Variants in ZNF560 observed in about 807,000 individuals in gnomAD.
The protein encoded by ZNF560 is zinc finger protein 560.
A neutral mutation model predicts 81.8 loss-of-function variants in ZNF560; 54 were observed. That is an observed-to-expected ratio of 0.66 (90% CI 0.53 to 0.83). The LOEUF is 0.83. Among genes scored for constraint, ZNF560 ranks in the 40% least tolerant of loss-of-function variants. The probability of loss-of-function intolerance (pLI) is 0.00; values close to 1 mark genes in which losing one functional copy is unlikely to be tolerated. For missense variants in ZNF560, 940 were observed against 932.4 expected, an observed-to-expected ratio of 1.01 and a Z score of -0.11; for synonymous variants, 321 against 317.9, an observed-to-expected ratio of 1.01 and a Z score of -0.10.
chr19:9,488,917 G>A (rs748394589), intron 2 of ZNF560, among the ~76,000 whole-genome samples: 1 of 152,062 alleles, frequency 6.6e-6, no homozygotes, highest in Non-Finnish European at 1.5e-5. Flanking sequence ...TCATTTAAAA[G>A]TGTACAGCAC....
chr19:9,501,238 C>T (rs993324434), upstream of ZNF560, among the ~76,000 whole-genome samples: 6 of 144,644 alleles, frequency 4.1e-5, no homozygotes, highest in Admixed American at 7.2e-5. Context: ...TGGCTCAATG[C>T]AGTCTTGACC....
the ZNF560 span, among the ~76,000 whole-genome samples, chr19:9,457,151 C>T: frequency 3.3e-5 from 5 of 152,294 alleles, no homozygotes; most frequent in Non-Finnish European, 7.3e-5. Context: ...AAACTCTCTC[C>T]CCTTGGAATT....
intron 4 of ZNF560, among the ~76,000 whole-genome samples, 174 bp from the exon 5 acceptor site, chr19:9,473,433 C>T (rs908440768): frequency 5.9e-5 from 9 of 152,068 alleles, no homozygotes; most frequent in Admixed American, 5.9e-4. Flanking sequence ...CAAAAATTAG[C>T]TGGGTGTGAT....
chr19:9,472,781 C>T (rs1423124043), intron 5 of ZNF560, among the ~76,000 whole-genome samples: 1 of 152,132 alleles, frequency 6.6e-6, no homozygotes, highest in Non-Finnish European at 1.5e-5. Context: ...ATGTAATGCA[C>T]CTGAATCATC....
chr19:9,485,466 C>T (rs2073370124), intron 2 of ZNF560, among the ~76,000 whole-genome samples: 1 of 149,998 alleles, frequency 6.7e-6, no homozygotes, highest in Non-Finnish European at 1.5e-5. Context: ...GAGATCACAC[C>T]ACTGCACTCC....
At position 9,466,545 on chromosome 19, in the gene ZNF560, C is replaced by T. The variant is rs907970191; in HGVS notation, c.*29G>A. The T allele has an allele frequency of 6.5e-7, 1 of 1,534,712 alleles. No individual in the cohort carries two copies. On this transcript the variant is annotated 3_prime_UTR_variant, in exon 10 of 10. Coordinates refer to ENST00000301480, the MANE Select transcript of ZNF560 (RefSeq NM_152476.3). ...CTTGAGGAAACAGCAAAGGTTTTTC[C>T]ACATTCTTCACATCCACAGGGCTTC...
rs143393867 is a variant in ZNF560, at chr19:9,469,642, T to C, written c.517A>G (p.Arg173Gly). ...CACAAACACTCACCTTGGAGAACTC[T>C]TGGCAGTGTGCTCAACTCTTCCTCT... Reference protein sequence around the residue: ...EEEEELSTLPRVLQEWKMCLK... With the variant: ...EEEEELSTLPGVLQEWKMCLK... Residue 173 changes from arginine to glycine, a missense_variant, in exon 8 of 10, where the codon AGA becomes GGA. Transcript: ENST00000301480. 3.2e-5 allele frequency: 52 copies of C among 1,614,178 alleles called. No homozygotes were observed. In the Middle Eastern group the frequency reaches 1.2e-3, roughly 36 times the overall value.
In ZNF560 at chr19:9,471,282, T is replaced by C; in HGVS notation, c.321+14A>G. 2 of 1,559,514 alleles carry C rather than the reference T, an allele frequency of 1.3e-6. No individual in the cohort carries two copies. The highest frequency in any genetic ancestry group is 1.7e-6 in the Non-Finnish European group (2 of 1,154,446). On this transcript the variant is annotated intron_variant, in intron 6 of 9. Coordinates refer to ENST00000301480, the MANE Select transcript of ZNF560 (RefSeq NM_152476.3). ...TGAGTGTGAAAAATAAGAAATACCC[T>C]TTCTTAACATTACCATTTGTATCCC...
chr19:9,463,718 T>C (rs1009001223), downstream of ZNF560, among the ~76,000 whole-genome samples: 4 of 152,234 alleles, frequency 2.6e-5, no homozygotes, highest in Admixed American at 2.0e-4. Context: ...ACAAGGCCTC[T>C]GTCACCCAGG....
At chr19:9,464,777 C>G (rs966480902), downstream of ZNF560, among the ~76,000 whole-genome samples, 5 of 152,078 alleles carry the variant, frequency 3.3e-5, no homozygotes, top group African/African-American at 1.2e-4. Flanking sequence ...AGGAGAAAGA[C>G]ATACCATGCC....
the ZNF560 span, among the ~76,000 whole-genome samples, chr19:9,445,922 C>CA: frequency 1.3e-5 from 2 of 152,144 alleles, no homozygotes; most frequent in Non-Finnish European, 2.9e-5. Flanking sequence ...TTCCAGCTCT[C>CA]AAAGTCTATG....
chr19:9,471,126 T>C (rs950564477), intron 6 of ZNF560, among the ~76,000 whole-genome samples, 170 bp downstream of exon 6: 1 of 152,160 alleles, frequency 6.6e-6, no homozygotes, highest in African/African-American at 2.4e-5. Flanking sequence ...ACTTTCACAC[T>C]AAGTTTAGAT....
At chr19:9,497,815 C>T (rs1362392861) in intron 2 of ZNF560, among the ~76,000 whole-genome samples, 3 of 152,140 alleles carry the variant, frequency 2.0e-5, no homozygotes, top group African/African-American at 4.8e-5. Flanking sequence ...AACCCTCCAT[C>T]CTTTCTTCCA....
chr19:9,497,307 G>C (rs949070875), intron 2 of ZNF560, among the ~76,000 whole-genome samples: 3 of 151,838 alleles, frequency 2.0e-5, no homozygotes, highest in Non-Finnish European at 4.4e-5. Context: ...ATTGAGTCAG[G>C]CATTACCCAC....
chr19:9,465,215 C>T (rs984901733), downstream of ZNF560, among the ~76,000 whole-genome samples: 1 of 149,668 alleles, frequency 6.7e-6, no homozygotes, highest in Non-Finnish European at 1.5e-5. Flanking sequence ...ACTGTAACCT[C>T]TGCCTCCCTG....
At chr19:9,454,848 GAA>G in the ZNF560 span, among the ~76,000 whole-genome samples, 4 of 139,390 alleles carry the variant, frequency 2.9e-5, no homozygotes, top group African/African-American at 1.4e-4. Context: ...AGGAGACAAA[GAA>G]GAGAGGGAGT....
At chr19:9,469,047 A>G in intron 9 of ZNF560, 58 bp downstream of exon 9, 1 of 1,353,652 alleles carries the variant, frequency 7.4e-7, no homozygotes, top group Non-Finnish European at 1.0e-6. Flanking sequence ...GATTTCTATA[A>G]TGCAATACCA....
At chr19:9,492,162 G>C (rs748453509) in intron 2 of ZNF560, among the ~76,000 whole-genome samples, 3 of 151,810 alleles carry the variant, frequency 2.0e-5, no homozygotes, top group Non-Finnish European at 4.4e-5. Flanking sequence ...GGTGGTTTTC[G>C]TAGGGGGGTT....
At chr19:9,449,308 C>T in the ZNF560 span, among the ~76,000 whole-genome samples, 4 of 152,098 alleles carry the variant, frequency 2.6e-5, no homozygotes, top group Admixed American at 2.6e-4. Context: ...TCTCAGACCA[C>T]AGTGAAATAG....
Sources: allele counts gnomAD v4.1 joint callset (sites outside exome capture counted in the v4.1 genomes callset), GRCh38; gene constraint gnomAD v4.1.1; transcripts MANE v1.5; gene names NCBI Gene and HGNC (gene_info 2026-07-23, HGNC 2026-07-21).